Variants in AK9 observed in about 807,000 individuals in gnomAD.
AK9 encodes the protein adenylate kinase 9, also known as adenylate kinase domain containing 1.
A neutral mutation model predicts 239.6 loss-of-function variants in AK9; 191 were observed. That is an observed-to-expected ratio of 0.80 (90% CI 0.71 to 0.90). The LOEUF (loss-of-function observed/expected upper bound fraction) is 0.90, where lower values mean the gene tolerates loss of function less well. Among genes scored for constraint, AK9 ranks in the 40% least tolerant of loss-of-function variants. The pLI is 0.00. For missense variants in AK9, 1,995 were observed against 2,214.7 expected (o/e 0.90, Z 1.99); for synonymous variants, 689 against 721.0 (o/e 0.96, Z 0.71).
chr6:109,621,129 A>G (rs981065172), intron 12 of AK9, among the ~76,000 whole-genome samples: 1 of 143,620 alleles, frequency 7.0e-6, no homozygotes, highest in Non-Finnish European at 1.5e-5. Context: ...CAGCCAAAAA[A>G]CACATGAAAA....
At chr6:109,654,322 T>C (rs1291322881) in intron 8 of AK9, among the ~76,000 whole-genome samples, 2 of 151,870 alleles carry the variant, frequency 1.3e-5, no homozygotes, top group Non-Finnish European at 2.9e-5. Context: ...CATCGCATTG[T>C]TTTATATATA....
intron 10 of AK9, 148 bp downstream of exon 10, chr6:109,641,370 T>TTTTG: frequency 5.6e-6 from 2 of 354,284 alleles, no homozygotes; most frequent in South Asian, 7.5e-5. Flanking sequence ...TTTTTTTTTG[T>TTTTG]AGAGATGGGT....
At chr6:109,632,890 G>A in intron 12 of AK9, 33 bp downstream of exon 12, 1 of 1,596,032 alleles carries the variant, frequency 6.3e-7, no homozygotes, top group Non-Finnish European at 8.6e-7. Context: ...TAGATAGATA[G>A]ATAGATAGAT....
intron 35 of AK9, among the ~76,000 whole-genome samples, chr6:109,501,867 G>A (rs183066115): frequency 1.3e-5 from 2 of 152,308 alleles, no homozygotes; most frequent in East Asian, 3.9e-4. Flanking sequence ...CTTTGTGCCT[G>A]TTTCACAGAG....
chr6:109,520,465 T>C (rs1490736815), intron 29 of AK9, among the ~76,000 whole-genome samples: 1 of 152,110 alleles, frequency 6.6e-6, no homozygotes, highest in Admixed American at 6.6e-5. Context: ...TGTATTCTGT[T>C]CCATTGGTCT....
chr6:109,682,426 C>CGAAAAAAAAAA (rs1772804842), intron 1 of AK9, among the ~76,000 whole-genome samples: 2 of 68,534 alleles, frequency 2.9e-5, no homozygotes, highest in African/African-American at 6.4e-5. Flanking sequence ...GACTCCGTCT[C>CGAAAAAAAAAA]AAAAAAAAAA....
In AK9 at chr6:109,644,653, A is replaced by G. The variant is rs945579965; in HGVS notation, c.795T>C (p.Ile265=). 1 of 1,613,058 alleles carries G rather than the reference A, an allele frequency of 6.2e-7. No homozygotes were observed. Among genetic ancestry groups the G allele is most frequent in the African/African-American group, 1.3e-5 (1 of 74,934 alleles). Reference sequence around the variant, plus strand: ...CTGCTGGTTTATTTCCATTTAGCTCAATGAGATACTGGGGATTGTGTTCAG... The same window carrying G: ...CTGCTGGTTTATTTCCATTTAGCTCGATGAGATACTGGGGATTGTGTTCAG... The part of the protein sequence containing the change: ...VMAEHNPQYL[I]ELNGNKPAEE... The change falls in exon 9 of 41, where the codon ATT becomes ATC. Residue 265 remains isoleucine, a synonymous_variant. Coordinates refer to ENST00000424296, the MANE Select transcript of AK9 (RefSeq NM_001145128.3).
intron 2 of AK9, 145 bp downstream of exon 2, chr6:109,675,484 T>C (rs143233097): frequency 5.6e-6 from 3 of 538,916 alleles, no homozygotes; most frequent in South Asian, 6.2e-5. Flanking sequence ...ACCAATATTA[T>C]GGCAGATTTT....
At chr6:109,608,883 AC>A (rs986887594) in intron 17 of AK9, among the ~76,000 whole-genome samples, 2 of 152,018 alleles carry the variant, frequency 1.3e-5, no homozygotes, top group Non-Finnish European at 2.9e-5. Context: ...AACCCCCCAA[AC>A]CCCAAAACAA....
chr6:109,585,967 T>C lies in AK9; in HGVS notation c.1948A>G (p.Lys650Glu), dbSNP rs1313884392. 1.3e-6 allele frequency: 2 copies of C among 1,551,452 alleles called. No homozygotes were observed. The highest frequency in any genetic ancestry group is 3.9e-5 in the Admixed American group (2 of 50,990). The change falls in exon 18 of 41, where the codon AAA (lysine) becomes GAA (glutamate). Residue 650 changes from lysine to glutamate, a missense_variant. By Grantham distance (56) the Lys-to-Glu change is moderately conservative (BLOSUM62 1). Transcript: ENST00000424296. ...VKELWMALIK[K>E]GIIPDLVIYL... Reference sequence around the variant, plus strand: ...ATGACCAAATCAGGTATAATTCCTTTCTTGATTAAGGCCATCCACAATTCT... The same window carrying C: ...ATGACCAAATCAGGTATAATTCCTTCCTTGATTAAGGCCATCCACAATTCT...
At chr6:109,573,802 T>G (rs10457201) in intron 20 of AK9, among the ~76,000 whole-genome samples, 88,519 of 152,002 alleles carry the variant, frequency 0.58, 27,462 homozygotes, top group East Asian at 0.84. Context: ...TGCTCAGAGT[T>G]CTGTATGAGT....
intron 20 of AK9, 115 bp downstream of exon 20, chr6:109,579,435 T>C (rs944140186): frequency 8.4e-6 from 8 of 951,268 alleles, no homozygotes; most frequent in Middle Eastern, 2.1e-4. Flanking sequence ...AAACCTGGGC[T>C]CTCATGGACA....
In AK9 at chr6:109,684,873, C is replaced by CAAA. The variant is rs60500211; in HGVS notation, c.-12+6271_-12+6273dup. Among the ~76,000 whole-genome samples, 2 of 21,854 alleles carry CAAA rather than the reference C, an allele frequency of 9.2e-5. 1 individual carries two copies. The highest frequency in any genetic ancestry group is 1.6e-4 in the Non-Finnish European group (2 of 12,502). The allele number at this position is 21,854 out of a possible 152,430, so 14.3% of individuals were successfully genotyped here. A position where few individuals can be genotyped will look rare whatever the true frequency, so the allele number is the denominator to read the frequency against. ...TGGGCGACAGAGTGAGACTCCGTCT[C>CAAA]AAAAAAAAAAAAAAAAAAAAAAAAA... On this transcript the variant is annotated intron_variant, in intron 1 of 40. Coordinates refer to ENST00000424296, the MANE Select transcript of AK9 (RefSeq NM_001145128.3).
intron 21 of AK9, among the ~76,000 whole-genome samples, chr6:109,565,152 A>G (rs1262117772): frequency 1.3e-5 from 2 of 152,198 alleles, no homozygotes; most frequent in Admixed American, 1.3e-4. Flanking sequence ...GTAGACTAAC[A>G]ATGCCTGATA....
intron 8 of AK9, among the ~76,000 whole-genome samples, chr6:109,648,778 G>C (rs1400651799): frequency 6.6e-6 from 1 of 152,116 alleles, no homozygotes; most frequent in Non-Finnish European, 1.5e-5. Context: ...GACTGGCAGA[G>C]ACACAACCAA....
At chr6:109,556,514 T>C (rs887854074) in intron 24 of AK9, among the ~76,000 whole-genome samples, 2 of 152,234 alleles carry the variant, frequency 1.3e-5, no homozygotes, top group East Asian at 1.9e-4. Flanking sequence ...AGTATCTTAA[T>C]GGTGTTCTCT....
chr6:109,513,685 G>A (rs1308162666), intron 32 of AK9, among the ~76,000 whole-genome samples: 1 of 152,136 alleles, frequency 6.6e-6, no homozygotes, highest in Non-Finnish European at 1.5e-5. Flanking sequence ...GCCTGAATCA[G>A]GCTGCACCTT....
intron 21 of AK9, among the ~76,000 whole-genome samples, chr6:109,565,955 T>C (rs1185337650): frequency 6.6e-6 from 1 of 152,130 alleles, no homozygotes; most frequent in Non-Finnish European, 1.5e-5. Flanking sequence ...TGGTGGCATG[T>C]TTAATTGTAG....
At position 109,497,494 on chromosome 6, in the gene AK9, C is replaced by T. The variant is rs1459940544; in HGVS notation, c.5286G>A (p.Glu1762=). The change falls in exon 38 of 41, where the codon GAG becomes GAA. Residue 1762 remains glutamate (E), a synonymous_variant. Coordinates refer to ENST00000424296, the MANE Select transcript of AK9 (RefSeq NM_001145128.3). ...LEYHNRIYIC[E]NKEKLQKFLR... is the part of the protein sequence containing the mutation. Reference sequence around the variant, plus strand: ...AAAATTTCTGGAGTTTTTCTTTGTTCTCACAAATATATATACGATTATGAT... The same window carrying T: ...AAAATTTCTGGAGTTTTTCTTTGTTTTCACAAATATATATACGATTATGAT... 3 of 1,603,762 alleles carry T rather than the reference C, an allele frequency of 1.9e-6. No individual in the cohort carries two copies. Among genetic ancestry groups the T allele is most frequent in the South Asian group, 1.1e-5 (1 of 90,766 alleles).
Sources: gnomAD v4.1 joint callset for allele counts (sites outside exome capture counted in the v4.1 genomes callset) on GRCh38, gnomAD v4.1.1 for gene constraint, MANE v1.5 for transcripts, NCBI Gene and HGNC (gene_info 2026-07-23, HGNC 2026-07-21) for gene names.